Variants in ROR1 observed in about 807,000 individuals in gnomAD.
The protein encoded by ROR1 is inactive tyrosine-protein kinase transmembrane receptor ROR1.
A neutral mutation model predicts 78.8 loss-of-function variants in ROR1; 19 were observed. That is an observed-to-expected ratio of 0.24 (90% confidence interval 0.17 to 0.35). The LOEUF (loss-of-function observed/expected upper bound fraction) is 0.35, where lower values mean the gene tolerates loss of function less well. Ranked by LOEUF, ROR1 falls within the 10% of genes least tolerant of loss-of-function variation. The pLI, the probability that ROR1 is intolerant of heterozygous loss-of-function variation, is 1.00. For synonymous variants in ROR1, 386 were observed against 433.6 expected (o/e 0.89, Z 1.36); for missense variants, 917 against 1,177.8 (o/e 0.78, Z 3.24).
chr1:63,877,209 G>A (rs1407385466), intron 1 of ROR1, among the ~76,000 whole-genome samples: 5 of 152,108 alleles, frequency 3.3e-5, no homozygotes, highest in African/African-American at 9.7e-5. Context: ...TTTGCCCAGA[G>A]TTGAAAGAAA....
intron 1 of ROR1, among the ~76,000 whole-genome samples, chr1:63,784,986 A>G (rs1644675264): frequency 6.6e-6 from 1 of 152,192 alleles, no homozygotes; most frequent in Non-Finnish European, 1.5e-5. Context: ...TTATAATTAT[A>G]TTGTTTCTCA....
intron 1 of ROR1, among the ~76,000 whole-genome samples, chr1:63,820,683 A>T (rs1444990176): frequency 6.6e-6 from 1 of 152,202 alleles, no homozygotes; most frequent in South Asian, 2.1e-4. Context: ...TTGACAGTAA[A>T]ATTCAAAGGT....
chr1:64,065,435 C>T (rs1186585181), intron 4 of ROR1, among the ~76,000 whole-genome samples: 1 of 152,186 alleles, frequency 6.6e-6, no homozygotes, highest in Non-Finnish European at 1.5e-5. Context: ...GGTTTATCCT[C>T]ATGGGGTAGT....
chr1:63,944,456 A>G (rs1569952241), intron 1 of ROR1, among the ~76,000 whole-genome samples: 1 of 152,202 alleles, frequency 6.6e-6, no homozygotes, highest in African/African-American at 2.4e-5. Context: ...ATTTTCATTC[A>G]TTTTAAGCCC....
At chr1:64,064,138 T>C (rs1183103795) in intron 4 of ROR1, among the ~76,000 whole-genome samples, 2 of 152,134 alleles carry the variant, frequency 1.3e-5, no homozygotes, top group African/African-American at 2.4e-5. Flanking sequence ...GTGATGAAGT[T>C]TGCCAAAAAA....
intron 1 of ROR1, among the ~76,000 whole-genome samples, chr1:63,905,628 A>G (rs753009896): frequency 3.9e-5 from 6 of 152,338 alleles, no homozygotes; most frequent in Non-Finnish European, 8.8e-5. Context: ...AAGCTGTCAC[A>G]AGATATCTAT....
At chr1:64,057,917 G>C (rs1205476637) in intron 4 of ROR1, among the ~76,000 whole-genome samples, 2 of 152,170 alleles carry the variant, frequency 1.3e-5, no homozygotes, top group African/African-American at 4.8e-5. Flanking sequence ...CATTAAATCT[G>C]TAGATTAATT....
intron 4 of ROR1, among the ~76,000 whole-genome samples, chr1:64,117,084 T>G (rs1295717045): frequency 2.6e-5 from 4 of 152,120 alleles, no homozygotes; most frequent in Admixed American, 2.6e-4. Context: ...AACCAGTGAT[T>G]GGTCAATGAT....
intron 4 of ROR1, among the ~76,000 whole-genome samples, chr1:64,053,381 C>T (rs1646848894): frequency 6.6e-6 from 1 of 152,174 alleles, no homozygotes; most frequent in Non-Finnish European, 1.5e-5. Context: ...CTCTGAGGGA[C>T]TGCATCAGGT....
At chr1:63,787,005 C>T (rs554544682) in intron 1 of ROR1, among the ~76,000 whole-genome samples, 2 of 152,300 alleles carry the variant, frequency 1.3e-5, no homozygotes, top group African/African-American at 2.4e-5. Flanking sequence ...ACACCCCAAA[C>T]GGTATGGGAA....
intron 1 of ROR1, among the ~76,000 whole-genome samples, chr1:63,894,624 G>A (rs1645425194): frequency 6.6e-6 from 1 of 152,124 alleles, no homozygotes; most frequent in African/African-American, 2.4e-5. Flanking sequence ...AGGTGGGTAA[G>A]AGAAATATAA....
chr1:63,970,020 A>G (rs1646106837), intron 1 of ROR1, among the ~76,000 whole-genome samples: 1 of 151,970 alleles, frequency 6.6e-6, no homozygotes. Flanking sequence ...TTACCTTATG[A>G]CCTTTATATC....
rs891241213 is a variant in ROR1, at chr1:64,029,082, C to A, written c.163+19706C>A. 1.3e-5 allele frequency: 2 copies of A among 152,102 alleles called. 1 individual carries two copies. The highest frequency in any genetic ancestry group is 6.8e-3 in the Middle Eastern group (2 of 294). 9.4% of individuals were successfully genotyped at this position (152,102 alleles called of 1,614,324 possible). On this transcript the variant is annotated intron_variant, in intron 2 of 8. Transcript: ENST00000371079. ...CTTGTTTCAGTACTAGTTTTATGAT[C>A]ATTAATTATCGTATATTTATATTAA...
intron 1 of ROR1, among the ~76,000 whole-genome samples, chr1:63,828,737 C>T (rs1644969786): frequency 6.6e-6 from 1 of 152,186 alleles, no homozygotes; most frequent in African/African-American, 2.4e-5. Context: ...TCCCCTGGCA[C>T]ATAGTAGGTG....
chr1:63,984,476 C>T (rs1200032003), intron 1 of ROR1, among the ~76,000 whole-genome samples: 1 of 152,168 alleles, frequency 6.6e-6, no homozygotes, highest in Non-Finnish European at 1.5e-5. Flanking sequence ...ATAGTGATGG[C>T]TTTGTGGCTC....
intron 1 of ROR1, among the ~76,000 whole-genome samples, chr1:64,007,176 T>C (rs1400235613): frequency 1.3e-5 from 2 of 152,182 alleles, no homozygotes; most frequent in African/African-American, 4.8e-5. Flanking sequence ...CTCAGATCAA[T>C]TTTTAGTGGC....
At chr1:63,938,959 C>A (rs1450203817) in intron 1 of ROR1, among the ~76,000 whole-genome samples, 1 of 152,020 alleles carries the variant, frequency 6.6e-6, no homozygotes, top group Non-Finnish European at 1.5e-5. Context: ...GATTGTGCCA[C>A]CGCACTGCAG....
At chr1:63,836,810 A>G (rs1485182371) in intron 1 of ROR1, among the ~76,000 whole-genome samples, 1 of 152,144 alleles carries the variant, frequency 6.6e-6, no homozygotes, top group Non-Finnish European at 1.5e-5. Flanking sequence ...GCCCCCTCCT[A>G]TCCCTCCATC....
intron 1 of ROR1, among the ~76,000 whole-genome samples, chr1:63,824,159 T>C (rs1644940135): frequency 6.6e-6 from 1 of 152,220 alleles, no homozygotes; most frequent in African/African-American, 2.4e-5. Flanking sequence ...ATGGAACTGA[T>C]CTTGTCTTTT....
Sources: allele counts gnomAD v4.1 joint callset (sites outside exome capture counted in the v4.1 genomes callset), GRCh38; gene constraint gnomAD v4.1.1; transcripts MANE v1.5; gene names NCBI Gene and HGNC (gene_info 2026-07-23, HGNC 2026-07-21).